ULK4: variants seen among roughly 807,000 people sequenced by gnomAD.
ULK4 encodes inactive serine/threonine-protein kinase ULK4.
A neutral mutation model predicts 160.6 loss-of-function variants in ULK4; 133 were observed. The observed-to-expected ratio is 0.83, with a 90% CI of 0.72 to 0.96. The LOEUF is 0.96. Among genes scored for constraint, ULK4 ranks in the 40% least tolerant of loss-of-function variants. The pLI, the probability that ULK4 is intolerant of heterozygous loss-of-function variation, is 0.00. For synonymous variants in ULK4, 534 were observed against 539.8 expected, an observed-to-expected ratio of 0.99 and a Z score of 0.15; for missense variants, 1,580 against 1,499.5, an observed-to-expected ratio of 1.05 and a Z score of -0.89.
intron 30 of ULK4, among the ~76,000 whole-genome samples, chr3:41,644,845 C>T (rs947303949): frequency 2.6e-5 from 4 of 152,114 alleles, no homozygotes; most frequent in Non-Finnish European, 4.4e-5. Flanking sequence ...GGTTGGTAAG[C>T]TATTGATTAT....
chr3:41,723,554 C>T (rs1312555157), intron 22 of ULK4, among the ~76,000 whole-genome samples: 1 of 152,070 alleles, frequency 6.6e-6, no homozygotes, highest in African/African-American at 2.4e-5. Flanking sequence ...ACTTCTAAAA[C>T]CAACAGTGAG....
chr3:41,810,467 G>A (rs73077367), intron 19 of ULK4, among the ~76,000 whole-genome samples: 44,761 of 151,966 alleles, frequency 0.29, 9,174 homozygotes, highest in African/African-American at 0.59. Context: ...ATAAAGTTGT[G>A]TTACCTAATA....
intron 30 of ULK4, among the ~76,000 whole-genome samples, chr3:41,645,387 GTTGT>G (rs1322144321): frequency 1.3e-5 from 2 of 151,874 alleles, no homozygotes; most frequent in Non-Finnish European, 2.9e-5. Flanking sequence ...ATTCTGGTAT[GTTGT>G]GTCTTTGTTC....
intron 25 of ULK4, among the ~76,000 whole-genome samples, chr3:41,712,927 A>C (rs2037152483): frequency 6.6e-6 from 1 of 151,980 alleles, no homozygotes; most frequent in Non-Finnish European, 1.5e-5. Flanking sequence ...AGCAAAAAAA[A>C]AAATCCACAA....
chr3:41,718,222 A>C (rs1196748021), intron 22 of ULK4, among the ~76,000 whole-genome samples: 1 of 152,182 alleles, frequency 6.6e-6, no homozygotes, highest in African/African-American at 2.4e-5. Flanking sequence ...ATATTTGTTT[A>C]TCATTAGTAT....
At chr3:41,392,684 T>TC (rs2081981186) in intron 35 of ULK4, among the ~76,000 whole-genome samples, 1 of 152,112 alleles carries the variant, frequency 6.6e-6, no homozygotes, top group Non-Finnish European at 1.5e-5. Flanking sequence ...CTTAGAATAC[T>TC]CTTCTTTTTA....
intron 5 of ULK4, 124 bp from the exon 6 acceptor site, chr3:41,919,942 T>A (rs1699128219): frequency 1.9e-6 from 1 of 530,666 alleles, no homozygotes; most frequent in African/African-American, 1.9e-5. Context: ...GAATAAAACT[T>A]CATGTGCATT....
chr3:41,753,891 T>C (rs2038708221), intron 22 of ULK4, among the ~76,000 whole-genome samples: 1 of 152,098 alleles, frequency 6.6e-6, no homozygotes, highest in Admixed American at 6.5e-5. Flanking sequence ...CTTACAACAA[T>C]GGCAGAGGGT....
Position 41,325,260 on chromosome 3 carries a change from G to A in ULK4, c.3678+72819C>T, listed in dbSNP as rs1424530345. On this transcript the variant is annotated intron_variant, in intron 35 of 36. Transcript: ENST00000301831. Reference sequence around the variant, plus strand: ...AAAAAAAATGACAATATCAGAGGTTGTTCACTCAGAAAAGAAACCCAGGAG... The same window carrying A: ...AAAAAAAATGACAATATCAGAGGTTATTCACTCAGAAAAGAAACCCAGGAG... Among the ~76,000 whole-genome samples, 27 of 152,168 alleles carry A rather than the reference G, an allele frequency of 1.8e-4. 1 individual carries two copies. The highest frequency in any genetic ancestry group is 1.8e-3 in the Admixed American group (27 of 15,276).
intron 19 of ULK4, among the ~76,000 whole-genome samples, chr3:41,800,867 T>C (rs1399937934): frequency 6.6e-6 from 1 of 152,140 alleles, no homozygotes; most frequent in Non-Finnish European, 1.5e-5. Context: ...CTCAAAAAGA[T>C]TCAACTGTTT....
At chr3:41,519,464 A>G (rs910214192) in intron 32 of ULK4, among the ~76,000 whole-genome samples, 4 of 152,182 alleles carry the variant, frequency 2.6e-5, no homozygotes, top group Admixed American at 2.6e-4. Context: ...TAAATCTTCC[A>G]CTAATAATTA....
At chr3:41,527,210 C>T (rs1575359399) in intron 32 of ULK4, among the ~76,000 whole-genome samples, 1 of 152,224 alleles carries the variant, frequency 6.6e-6, no homozygotes, top group African/African-American at 2.4e-5. Context: ...TGCTCTACAG[C>T]TCGTTTCTCC....
intron 32 of ULK4, among the ~76,000 whole-genome samples, chr3:41,548,612 C>T (rs926534411): frequency 3.9e-5 from 6 of 152,142 alleles, no homozygotes; most frequent in African/African-American, 1.4e-4. Flanking sequence ...CTCGCCACCA[C>T]AATGCCATTG....
intron 32 of ULK4, among the ~76,000 whole-genome samples, chr3:41,532,019 C>CTGA (rs1197654345): frequency 1.3e-5 from 2 of 152,196 alleles, no homozygotes; most frequent in Non-Finnish European, 1.5e-5. Context: ...TCCCAAACCA[C>CTGA]CGGTCTAATC....
intron 18 of ULK4, among the ~76,000 whole-genome samples, chr3:41,826,136 C>G (rs1290776806): frequency 6.6e-6 from 1 of 152,130 alleles, no homozygotes; most frequent in African/African-American, 2.4e-5. Context: ...ACCAGGCCTG[C>G]CCTACAAGAG....
intron 22 of ULK4, among the ~76,000 whole-genome samples, chr3:41,724,855 T>G (rs2037595111): frequency 6.6e-6 from 1 of 152,254 alleles, no homozygotes; most frequent in South Asian, 2.1e-4. Flanking sequence ...ATTTTCCTGA[T>G]GACTAATTAG....
chr3:41,832,545 T>C (rs2041626755), intron 18 of ULK4, among the ~76,000 whole-genome samples: 1 of 152,236 alleles, frequency 6.6e-6, no homozygotes, highest in Non-Finnish European at 1.5e-5. Flanking sequence ...TTAGTTTAAT[T>C]AGATCCCATT....
At chr3:41,388,136 G>GT (rs2081866750) in intron 35 of ULK4, among the ~76,000 whole-genome samples, 2 of 152,086 alleles carry the variant, frequency 1.3e-5, no homozygotes, top group Admixed American at 1.3e-4. Flanking sequence ...GATGATGAGC[G>GT]TTTTTTCATG....
intron 2 of ULK4, among the ~76,000 whole-genome samples, chr3:41,952,967 T>C (rs1458263181): frequency 6.6e-6 from 1 of 152,094 alleles, no homozygotes; most frequent in Admixed American, 6.6e-5. Context: ...AAAAATGCTG[T>C]ATGATACCAT....
Sources: allele counts gnomAD v4.1 joint callset (sites outside exome capture counted in the v4.1 genomes callset), GRCh38; gene constraint gnomAD v4.1.1; transcripts MANE v1.5; gene names NCBI Gene and HGNC (gene_info 2026-07-23, HGNC 2026-07-21).